The following TAOK3 variants were observed in gnomAD, a reference collection of about 807,000 sequenced individuals.
TAOK3 encodes serine/threonine-protein kinase TAO3.
In TAOK3, 40 loss-of-function variants were observed where a neutral mutation model predicts 120.4. The observed-to-expected ratio is 0.33, with a 90% CI of 0.26 to 0.43. TAOK3 has a LOEUF of 0.43. Among genes scored for constraint, TAOK3 ranks in the 20% least tolerant of loss-of-function variants. The probability of loss-of-function intolerance (pLI) is 1.00; values close to 1 mark genes in which losing one functional copy is unlikely to be tolerated. For missense variants in TAOK3, 821 were observed against 1,112.1 expected, an observed-to-expected ratio of 0.74 and a Z score of 3.72; for synonymous variants, 355 against 387.5, an observed-to-expected ratio of 0.92 and a Z score of 0.99.
chr12:118,329,524 A>G (rs971469995), intron 1 of TAOK3, among the ~76,000 whole-genome samples: 2 of 152,214 alleles, frequency 1.3e-5, no homozygotes, highest in Non-Finnish European at 2.9e-5. Context: ...CAAAACCATC[A>G]TGAGAAAAAG....
Position 118,164,837 on chromosome 12 carries a change from G to A in TAOK3, c.1900-2810C>T, listed in dbSNP as rs1008449904. On this transcript the variant is annotated intron_variant, in intron 17 of 20. Transcript: ENST00000392533. ...TCATCGATAACATTTTTATACTGGC[G>A]TGGTTGGAAATATCTTGCACACTTG... is the stretch of plus-strand genomic sequence containing the variant. Among the ~76,000 whole-genome samples, 11 of 152,118 alleles carry A rather than the reference G, an allele frequency of 7.2e-5. 1 individual carries two copies. Among genetic ancestry groups the A allele is most frequent in the East Asian group, 5.8e-4 (3 of 5,202 alleles).
At chr12:118,170,518 T>C (rs542304222) in intron 17 of TAOK3, among the ~76,000 whole-genome samples, 1 of 152,284 alleles carries the variant, frequency 6.6e-6, no homozygotes, top group South Asian at 2.1e-4. Context: ...TCTCCACACT[T>C]TGGGAGGCTG....
At chr12:118,155,347 C>G (rs1042716703) in intron 19 of TAOK3, among the ~76,000 whole-genome samples, 4 of 152,184 alleles carry the variant, frequency 2.6e-5, no homozygotes, top group African/African-American at 9.7e-5. Context: ...TATGTTTTGT[C>G]TATGGCTGCA....
At chr12:118,151,400 A>C (rs895048361) in intron 20 of TAOK3, among the ~76,000 whole-genome samples, 4 of 152,194 alleles carry the variant, frequency 2.6e-5, no homozygotes, top group Non-Finnish European at 5.9e-5. Context: ...ACTTGCTCAC[A>C]AGAATATCAA....
intron 17 of TAOK3, among the ~76,000 whole-genome samples, chr12:118,167,907 G>A (rs1482185634): frequency 6.6e-6 from 1 of 152,094 alleles, no homozygotes; most frequent in African/African-American, 2.4e-5. Context: ...CTTTACCAGC[G>A]TGGCTCTTCA....
chr12:118,176,987 C>A (rs2036381383), intron 16 of TAOK3, among the ~76,000 whole-genome samples: 1 of 151,970 alleles, frequency 6.6e-6, no homozygotes, highest in Admixed American at 6.6e-5. Flanking sequence ...GGCTGGTCTC[C>A]AACTCCTGAC....
At chr12:118,329,859 A>C (rs1487960891) in intron 1 of TAOK3, among the ~76,000 whole-genome samples, 2 of 152,214 alleles carry the variant, frequency 1.3e-5, no homozygotes, top group Non-Finnish European at 2.9e-5. Flanking sequence ...CACTTCCGCC[A>C]GGACTCAGAA....
chr12:118,285,919 G>A (rs1194458469), intron 1 of TAOK3, among the ~76,000 whole-genome samples: 1 of 152,138 alleles, frequency 6.6e-6, no homozygotes, highest in Non-Finnish European at 1.5e-5. Context: ...GAGGCAAAAG[G>A]CGGAAGGACT....
intron 14 of TAOK3, among the ~76,000 whole-genome samples, chr12:118,182,079 G>T (rs961468736): frequency 1.3e-5 from 2 of 152,004 alleles, no homozygotes; most frequent in Admixed American, 6.5e-5. Flanking sequence ...TAGTTACTTG[G>T]GAGGTTGAGG....
At chr12:118,242,902 T>G (rs2040315362) in intron 5 of TAOK3, among the ~76,000 whole-genome samples, 1 of 150,568 alleles carries the variant, frequency 6.6e-6, no homozygotes, top group African/African-American at 2.4e-5. Context: ...TATATATGAG[T>G]GTGTGTGTGT....
intron 13 of TAOK3, among the ~76,000 whole-genome samples, chr12:118,193,449 T>C (rs2037542746): frequency 6.6e-6 from 1 of 152,236 alleles, no homozygotes; most frequent in South Asian, 2.1e-4. Flanking sequence ...TGAATTTCTA[T>C]ACAAGAGTGA....
At chr12:118,212,855 A>G (rs531235694) in intron 11 of TAOK3, 59 bp downstream of exon 11, 5 of 1,189,484 alleles carry the variant, frequency 4.2e-6, no homozygotes, top group East Asian at 4.7e-5. Flanking sequence ...ATGATTTATT[A>G]TATTCCATTA....
chr12:118,172,323 C>A, intron 17 of TAOK3, 134 bp downstream of exon 17: 1 of 894,434 alleles, frequency 1.1e-6, no homozygotes, highest in African/African-American at 1.7e-5. Context: ...TGTATACCTA[C>A]TCTGTGTTAG....
intron 5 of TAOK3, among the ~76,000 whole-genome samples, chr12:118,242,977 A>G (rs898083978): frequency 6.6e-6 from 1 of 151,988 alleles, no homozygotes; most frequent in Non-Finnish European, 1.5e-5. Context: ...ACAGAGTGGA[A>G]CAAAAGTCTC....
At chr12:118,350,474 C>T (rs868618717) in intron 1 of TAOK3, among the ~76,000 whole-genome samples, 2 of 152,100 alleles carry the variant, frequency 1.3e-5, no homozygotes, top group Non-Finnish European at 2.9e-5. Context: ...TATTGTAATA[C>T]CTAGCACCTA....
At chr12:118,316,062 G>A (rs2043446300) in intron 1 of TAOK3, among the ~76,000 whole-genome samples, 2 of 152,140 alleles carry the variant, frequency 1.3e-5, no homozygotes, top group South Asian at 4.1e-4. Flanking sequence ...GAGACATCAT[G>A]CACATGTGAC....
At position 118,197,236 on chromosome 12, in the gene TAOK3, C is replaced by T. The variant is rs573929398; in HGVS notation, c.1194+1815G>A. ...CAAATGTGTTTTGATTTTCTTCCATCATATTTCCTCTATATATTTCATGAT... is the reference window on the plus strand; with the variant it reads ...CAAATGTGTTTTGATTTTCTTCCATTATATTTCCTCTATATATTTCATGAT... On this transcript the variant is annotated intron_variant, in intron 13 of 20. Transcript: ENST00000392533. 3.9e-5 allele frequency among the ~76,000 whole-genome samples: 6 copies of T among 152,238 alleles called. No homozygotes were observed. The South Asian group carries it at 1.0e-3, about 26-fold the overall frequency.
At chr12:118,361,968 T>C (rs917512973) in intron 1 of TAOK3, among the ~76,000 whole-genome samples, 16 of 152,032 alleles carry the variant, frequency 1.1e-4, no homozygotes, top group African/African-American at 1.4e-4. Flanking sequence ...GGGGACTGCT[T>C]ATACACTGAT....
At chr12:118,234,354 G>T (rs141687137) in intron 8 of TAOK3, among the ~76,000 whole-genome samples, 3,076 of 150,156 alleles carry the variant, frequency 0.02, 107 homozygotes, top group African/African-American at 0.071. Context: ...TCAGACTCCC[G>T]AGTAGCTGGG....
Sources: allele counts gnomAD v4.1 joint callset (sites outside exome capture counted in the v4.1 genomes callset), GRCh38; gene constraint gnomAD v4.1.1; transcripts MANE v1.5; gene names NCBI Gene and HGNC (gene_info 2026-07-23, HGNC 2026-07-21).